Variants in KIF3A observed in about 807,000 individuals in gnomAD.
KIF3A encodes kinesin-like protein KIF3A.
A neutral mutation model predicts 92.6 loss-of-function variants in KIF3A; 27 were observed. That is an observed-to-expected ratio of 0.29 (90% confidence interval 0.21 to 0.40). The LOEUF (loss-of-function observed/expected upper bound fraction) is 0.40. Ranked by LOEUF, KIF3A falls within the 10% of genes least tolerant of loss-of-function variation. The pLI is 1.00. For synonymous variants in KIF3A, 250 were observed against 275.4 expected (o/e 0.91, Z 0.92); for missense variants, 581 against 872.6 (o/e 0.67, Z 4.21).
intron 18 of KIF3A, among the ~76,000 whole-genome samples, chr5:132,696,897 C>T (rs1213174568): frequency 6.6e-6 from 1 of 152,150 alleles, no homozygotes; most frequent in Non-Finnish European, 1.5e-5. Flanking sequence ...GCAGCCCACC[C>T]CATTATGCCA....
At chr5:132,699,630 C>T in intron 17 of KIF3A, 2 of 433,456 alleles carry the variant, frequency 4.6e-6, no homozygotes, top group Middle Eastern at 6.5e-4. Flanking sequence ...GCGATCTGGG[C>T]TCACTGCAAG....
At chr5:132,723,798 T>C (rs1213824751) in intron 4 of KIF3A, 3 of 152,014 alleles carry the variant, frequency 2.0e-5, no homozygotes, top group Admixed American at 1.3e-4. Flanking sequence ...AATTGACAAA[T>C]GGGATCTAAT....
rs1752807739 is a variant in KIF3A, at chr5:132,695,637, A to T, written c.*997T>A. The stretch of plus-strand genomic sequence containing the variant: ...ATTACCCAATAGAAGAAATTCAGAA[A>T]ATAATATTTTATTTTTAAAATAGAA... On this transcript the variant is annotated 3_prime_UTR_variant, in exon 19 of 19. Coordinates refer to ENST00000403231, the MANE Select transcript of KIF3A (RefSeq NM_001300791.2). 6.7e-6 allele frequency: 1 copy of T among 149,004 alleles called. No individual in the cohort carries two copies. The highest frequency in any genetic ancestry group is 2.1e-4 in the South Asian group (1 of 4,672). 9.2% of individuals were successfully genotyped at this position (149,004 alleles called of 1,614,324 possible). A position where few individuals can be genotyped will look rare whatever the true frequency, so the allele number is the denominator to read the frequency against.
Position 132,700,705 on chromosome 5 carries a change from T to C in KIF3A, c.1885-5A>G. On this transcript the variant is annotated splice_region_variant and splice_polypyrimidine_tract_variant and intron_variant, in intron 15 of 18. Coordinates refer to ENST00000403231, the MANE Select transcript of KIF3A (RefSeq NM_001300791.2). Reference sequence around the variant, plus strand: ...GACATAGTTTTCAATCATTTCCTTTTAAAAGGGTGAAAGATAGCCTATTTT... The same window carrying C: ...GACATAGTTTTCAATCATTTCCTTTCAAAAGGGTGAAAGATAGCCTATTTT... 6.3e-7 allele frequency: 1 copy of C among 1,577,940 alleles called. No homozygotes were observed. The highest frequency in any genetic ancestry group is 8.7e-7 in the Non-Finnish European group (1 of 1,147,760).
Position 132,737,324 on chromosome 5 carries a change from C to G in KIF3A, c.6+90G>C, listed in dbSNP as rs947241541. 3.5e-6 allele frequency: 5 copies of G among 1,444,690 alleles called. No homozygotes were observed. The African/African-American group carries it at 7.4e-5, about 21-fold the overall frequency. 89.5% of individuals were successfully genotyped at this position (1,444,690 alleles called of 1,614,324 possible). On this transcript the variant is annotated intron_variant, in intron 1 of 18. Transcript: ENST00000403231. ...TGCCCCGCCCCACCCAGGCCGCCTG[C>G]CGGCTCCGCGCCTCCATGGCAACGG... is the stretch of plus-strand genomic sequence containing the variant.
At chr5:132,721,606 T>C (rs1315087540) in intron 4 of KIF3A, 1 of 152,036 alleles carries the variant, frequency 6.6e-6, no homozygotes, top group Admixed American at 6.6e-5. Context: ...ATTTTCAATG[T>C]TGTGTGTGTG....
At chr5:132,708,861 T>C (rs1265054134) in intron 10 of KIF3A, 46 bp downstream of exon 10, 2 of 1,341,122 alleles carry the variant, frequency 1.5e-6, no homozygotes, top group Admixed American at 2.0e-5. Context: ...CCATGGGTTA[T>C]GGAAAAGCCA....
chr5:132,732,927 A>T (rs1403263700), intron 2 of KIF3A, among the ~76,000 whole-genome samples: 1 of 151,996 alleles, frequency 6.6e-6, no homozygotes, highest in African/African-American at 2.4e-5. Flanking sequence ...AAAAAAAAGT[A>T]ATGAATTGCT....
At position 132,699,193 on chromosome 5, in the gene KIF3A, C is replaced by T. The variant is rs547080701; in HGVS notation, c.2110G>A (p.Ala704Thr). 2.5e-6 allele frequency: 4 copies of T among 1,614,042 alleles called. No individual in the cohort carries two copies. Among genetic ancestry groups the T allele is most frequent in the South Asian group, 2.2e-5 (2 of 91,072 alleles). ...TACCTTCTCCCTGTCTTTGGCCTTG[C>T]TTTCCCCTTTGAAGTTCGTGGTCTT... Reference protein sequence around the residue: ...LERPRTSKGKARPKTGRRKRS... With the variant: ...LERPRTSKGKTRPKTGRRKRS... Residue 704 changes from alanine to threonine, a missense_variant, in exon 18 of 19, where the codon GCA becomes ACA. Ala to Thr is a moderately conservative substitution (Grantham distance 58). This residue lies in a region of KIF3A where 112 missense variants were observed against 144.3 expected (regional missense o/e 0.78). Transcript: ENST00000403231.
At chr5:132,691,354 CCT>C (rs1752659335), downstream of KIF3A, among the ~76,000 whole-genome samples, 1 of 151,922 alleles carries the variant, frequency 6.6e-6, no homozygotes, top group Admixed American at 6.6e-5. Flanking sequence ...TCGAGACGAG[CCT>C]GACCAACATG....
intron 12 of KIF3A, 151 bp from the exon 13 acceptor site, chr5:132,703,216 G>A (rs1318667568): frequency 2.8e-6 from 2 of 705,726 alleles, no homozygotes; most frequent in East Asian, 2.8e-5. Flanking sequence ...GTGTAGTATC[G>A]ATTTCTAACT....
chr5:132,710,994 A>C lies in KIF3A; in HGVS notation c.1193T>G (p.Val398Gly). Residue 398 changes from valine to glycine, a missense_variant, in exon 9 of 19, where the codon GTT (valine) becomes GGT (glycine). By Grantham distance (109) the Val-to-Gly change is moderately radical. Around this residue, in one of 5 missense-constraint regions of KIF3A, gnomAD observed 167 missense variants for 205.8 expected, o/e 0.81. Coordinates refer to ENST00000403231, the MANE Select transcript of KIF3A (RefSeq NM_001300791.2). ...SEEDDDEEGEVGEDGEKRKKR... is the reference protein window; with the variant it reads ...SEEDDDEEGEGGEDGEKRKKR... ...TTTCCTTTTCTCTCCATCTTCTCCA[A>C]CCTCACCCTCTTCATCATCATCTTC... The C allele has an allele frequency of 6.2e-7, 1 of 1,611,824 alleles. No individual in the cohort carries two copies. Among genetic ancestry groups the C allele is most frequent in the Non-Finnish European group, 8.5e-7 (1 of 1,178,064 alleles).
At chr5:132,699,546 C>A in intron 17 of KIF3A, 1 of 544,270 alleles carries the variant, frequency 1.8e-6, no homozygotes, top group Non-Finnish European at 3.5e-6. Context: ...TTAAAGCTGC[C>A]CCCTCTTCTT....
intron 2 of KIF3A, among the ~76,000 whole-genome samples, chr5:132,730,696 G>T (rs1267008827): frequency 6.6e-6 from 1 of 152,072 alleles, no homozygotes; most frequent in African/African-American, 2.4e-5. Context: ...TCAGGGGGCT[G>T]AAGTGGGAGG....
chr5:132,704,686 A>G (rs1239086422), intron 11 of KIF3A, among the ~76,000 whole-genome samples: 1 of 151,910 alleles, frequency 6.6e-6, no homozygotes, highest in African/African-American at 2.4e-5. Flanking sequence ...AATTGGTCTG[A>G]GGCTCTCCTA....
At chr5:132,722,257 T>C (rs1019416582) in intron 4 of KIF3A, among the ~76,000 whole-genome samples, 2 of 152,066 alleles carry the variant, frequency 1.3e-5, no homozygotes, top group East Asian at 1.9e-4. Context: ...ATATGAAAGA[T>C]GAAGAAAGAA....
At chr5:132,703,237 C>T (rs1230264579) in intron 12 of KIF3A, among the ~76,000 whole-genome samples, 172 bp from the exon 13 acceptor site, 2 of 152,012 alleles carry the variant, frequency 1.3e-5, no homozygotes, top group African/African-American at 4.8e-5. Context: ...TAATTTATAA[C>T]TCATTCTAAT....
intron 8 of KIF3A, among the ~76,000 whole-genome samples, chr5:132,711,827 AT>A (rs1193049644): frequency 6.6e-6 from 1 of 152,182 alleles, no homozygotes; most frequent in African/African-American, 2.4e-5. Flanking sequence ...ATCACAAGAT[AT>A]TTTCAAAAAA....
At position 132,702,787 on chromosome 5, in the gene KIF3A, C is replaced by T. The variant is rs890521612; in HGVS notation, c.1647+98G>A. On this transcript the variant is annotated intron_variant, in intron 13 of 18. Transcript: ENST00000403231. ...ATCTTCAAAGCAATCCATAAATATGCTTTAAAATTTCAATACGATTATAGA... is the reference window on the plus strand; with the variant it reads ...ATCTTCAAAGCAATCCATAAATATGTTTTAAAATTTCAATACGATTATAGA... 8 of 1,354,616 alleles carry T rather than the reference C, an allele frequency of 5.9e-6. No individual in the cohort carries two copies. In the African/African-American group the frequency reaches 8.8e-5, roughly 15 times the overall value. The allele number at this position is 1,354,616 out of a possible 1,614,324, so 83.9% of individuals were successfully genotyped here.
Sources: gnomAD v4.1 joint callset for allele counts (sites outside exome capture counted in the v4.1 genomes callset) on GRCh38, gnomAD v4.1.1 for gene constraint, gnomAD v4.1.1 regional missense constraint, MANE v1.5 for transcripts, NCBI Gene and HGNC (gene_info 2026-07-23, HGNC 2026-07-21) for gene names.